Variants in CFAP44 observed in about 807,000 individuals in gnomAD.
CFAP44 encodes the protein cilia and flagella associated protein 44.
Under a neutral mutation model 216.2 loss-of-function variants are expected in CFAP44, and 134 were observed. The ratio of observed to expected loss-of-function variants is 0.62; its 90% CI spans 0.54 to 0.72. CFAP44 has a LOEUF of 0.72. Among genes scored for constraint, CFAP44 ranks in the 30% least tolerant of loss-of-function variants. The pLI, the probability that CFAP44 is intolerant of heterozygous loss-of-function variation, is 0.00. For missense variants in CFAP44, 2,035 were observed against 2,182.1 expected, an observed-to-expected ratio of 0.93 and a Z score of 1.34; for synonymous variants, 700 against 727.6, an observed-to-expected ratio of 0.96 and a Z score of 0.61.
intron 28 of CFAP44, among the ~76,000 whole-genome samples, chr3:113,309,405 T>A (rs1281608697): frequency 6.6e-6 from 1 of 152,190 alleles, no homozygotes; most frequent in African/African-American, 2.4e-5. Flanking sequence ...GTATTCAGAG[T>A]TCAGCCCCAT....
At chr3:113,428,689 T>C (rs917488518) in intron 2 of CFAP44, among the ~76,000 whole-genome samples, 4 of 152,064 alleles carry the variant, frequency 2.6e-5, no homozygotes, top group African/African-American at 9.7e-5. Context: ...AAATCACAAA[T>C]GGATGGCAGG....
intron 1 of CFAP44, among the ~76,000 whole-genome samples, chr3:113,435,995 T>A (rs1231477274): frequency 1.3e-5 from 2 of 151,836 alleles, no homozygotes. Context: ...AATTGTAGAA[T>A]ATATACCTTT....
intron 26 of CFAP44, among the ~76,000 whole-genome samples, chr3:113,329,634 G>C (rs1484772376): frequency 6.6e-6 from 1 of 152,130 alleles, no homozygotes; most frequent in Non-Finnish European, 1.5e-5. Context: ...TGCCCAACAG[G>C]CCCTAGTCTG....
In CFAP44 at chr3:113,358,740, C is replaced by T; in HGVS notation, c.3065+5G>A. 1 of 1,536,344 alleles carries T rather than the reference C, an allele frequency of 6.5e-7. No homozygotes were observed. The highest frequency in any genetic ancestry group is 1.2e-5 in the South Asian group (1 of 84,004). ...ATCTTAGCTTGTAGAGAATATGGATCCTACCGATTCTTTAGCTTCATTAGG... is the reference window on the plus strand; with the variant it reads ...ATCTTAGCTTGTAGAGAATATGGATTCTACCGATTCTTTAGCTTCATTAGG... On this transcript the variant is annotated splice_donor_5th_base_variant and intron_variant, in intron 22 of 34. Coordinates refer to ENST00000393845, the MANE Select transcript of CFAP44 (RefSeq NM_001164496.2).
chr3:113,391,714 T>C (rs955173269), intron 15 of CFAP44, among the ~76,000 whole-genome samples: 3 of 151,418 alleles, frequency 2.0e-5, no homozygotes, highest in African/African-American at 7.3e-5. Context: ...GGGGAAAAAA[T>C]CTACTAATCC....
intron 32 of CFAP44, among the ~76,000 whole-genome samples, chr3:113,298,502 T>G (rs1949903342): frequency 6.6e-6 from 1 of 152,116 alleles, no homozygotes; most frequent in Non-Finnish European, 1.5e-5. Flanking sequence ...CCAAAAGAAA[T>G]GGAAGCAGAG....
chr3:113,325,979 C>T (rs28662393), intron 28 of CFAP44, among the ~76,000 whole-genome samples: 36,830 of 151,948 alleles, frequency 0.24, 4,651 homozygotes, highest in East Asian at 0.41. Flanking sequence ...AATGATACTA[C>T]AGTAAATGAA....
Position 113,395,850 on chromosome 3 carries a change from T to A in CFAP44, c.1790A>T (p.Gln597Leu), listed in dbSNP as rs955025967. The change falls in exon 15 of 35, where the codon CAA (glutamine) becomes CTA (leucine). Residue 597 changes from glutamine (Q) to leucine (L), a missense_variant. By Grantham distance (113) the Gln-to-Leu change is moderately radical (BLOSUM62 -2). This residue lies in a region of CFAP44 where 1,883 missense variants were observed against 2,023.7 expected (regional missense o/e 0.93). Coordinates refer to ENST00000393845, the MANE Select transcript of CFAP44 (RefSeq NM_001164496.2). ...TTCCACTTCAAAGAAGAAAACAGTT[T>A]GATCTTTACTCTAAGGAAAAAGAGA... ...GEILATGSKD[Q>L]TVFFFEVERD... The A allele has an allele frequency of 2.5e-6, 4 of 1,612,720 alleles. No homozygotes were observed. The Admixed American group carries it at 6.7e-5, about 27-fold the overall frequency.
intron 15 of CFAP44, among the ~76,000 whole-genome samples, chr3:113,385,586 A>G (rs1224401730): frequency 6.6e-6 from 1 of 152,056 alleles, no homozygotes; most frequent in Non-Finnish European, 1.5e-5. Context: ...TGCTCTGAAC[A>G]CATCTGTTAG....
At chr3:113,313,698 G>A (rs903070707) in intron 28 of CFAP44, among the ~76,000 whole-genome samples, 1 of 152,144 alleles carries the variant, frequency 6.6e-6, no homozygotes, top group African/African-American at 2.4e-5. Context: ...CAGTGAATAT[G>A]TCTCACAAGA....
rs1042942390 is a variant in CFAP44 at position 113,344,716 on chromosome 3, A to G, written c.3066-4T>C. 6.7e-7 allele frequency: 1 copy of G among 1,492,644 alleles called. No individual in the cohort carries two copies. Among genetic ancestry groups the G allele is most frequent in the Non-Finnish European group, 8.8e-7 (1 of 1,130,212 alleles). The allele number at this position is 1,492,644 out of a possible 1,614,324, so 92.5% of individuals were successfully genotyped here. ...ACTTTCCAGTGGATCTCGAAATCTG[A>G]AAAAATAAAACAAGTATTTGCAGTA... On this transcript the variant is annotated splice_region_variant and splice_polypyrimidine_tract_variant and intron_variant, in intron 22 of 34. Coordinates refer to ENST00000393845, the MANE Select transcript of CFAP44 (RefSeq NM_001164496.2).
At chr3:113,319,227 A>G (rs924876082) in intron 28 of CFAP44, among the ~76,000 whole-genome samples, 4 of 152,218 alleles carry the variant, frequency 2.6e-5, no homozygotes, top group African/African-American at 9.6e-5. Flanking sequence ...CTCAAAGTGA[A>G]AGGATGGAGA....
At chr3:113,347,227 G>A (rs909231534) in intron 22 of CFAP44, among the ~76,000 whole-genome samples, 2 of 152,190 alleles carry the variant, frequency 1.3e-5, no homozygotes, top group South Asian at 2.1e-4. Context: ...CTCTGGAGTT[G>A]GGAGCGTTGG....
At chr3:113,310,553 AATAC>A (rs1430245646) in intron 28 of CFAP44, among the ~76,000 whole-genome samples, 1 of 152,262 alleles carries the variant, frequency 6.6e-6, no homozygotes, top group African/African-American at 2.4e-5. Context: ...AAAGTCTCAT[AATAC>A]AACATGAAAG....
At position 113,303,901 on chromosome 3, in the gene CFAP44, G is replaced by A; in HGVS notation, c.5077+15C>T. 1 of 1,536,944 alleles carries A rather than the reference G, an allele frequency of 6.5e-7. No homozygotes were observed. Among genetic ancestry groups the A allele is most frequent in the Non-Finnish European group, 8.7e-7 (1 of 1,146,702 alleles). ...AATAAACCTTACTAGCAAGGCTGTGGGCTTAGATACTCACTGTGTATGGTT... is the reference window on the plus strand; with the variant it reads ...AATAAACCTTACTAGCAAGGCTGTGAGCTTAGATACTCACTGTGTATGGTT... On this transcript the variant is annotated intron_variant, in intron 32 of 34. Coordinates refer to ENST00000393845, the MANE Select transcript of CFAP44 (RefSeq NM_001164496.2).
chr3:113,409,572 T>C (rs1392242505), intron 6 of CFAP44, among the ~76,000 whole-genome samples: 1 of 152,194 alleles, frequency 6.6e-6, no homozygotes, highest in African/African-American at 2.4e-5. Context: ...TTCCATTTTA[T>C]GACTTGGGGA....
At chr3:113,420,797 A>G (rs1408899455) in intron 4 of CFAP44, among the ~76,000 whole-genome samples, 1 of 152,218 alleles carries the variant, frequency 6.6e-6, no homozygotes, top group Non-Finnish European at 1.5e-5. Flanking sequence ...ACATAAATAT[A>G]ACTAAAATTT....
chr3:113,347,215 G>A (rs922954853), intron 22 of CFAP44, among the ~76,000 whole-genome samples: 12 of 152,170 alleles, frequency 7.9e-5, no homozygotes, highest in Admixed American at 1.3e-4. Context: ...AACAACCCCC[G>A]ACTCTGGAGT....
At chr3:113,345,290 A>G (rs1950370528) in intron 22 of CFAP44, among the ~76,000 whole-genome samples, 1 of 151,874 alleles carries the variant, frequency 6.6e-6, no homozygotes, top group Non-Finnish European at 1.5e-5. Flanking sequence ...GTGGAAAAAT[A>G]ATTTTTAACT....
Sources: allele counts gnomAD v4.1 joint callset (sites outside exome capture counted in the v4.1 genomes callset), GRCh38; gene constraint gnomAD v4.1.1; regional missense constraint gnomAD v4.1.1; transcripts MANE v1.5; gene names NCBI Gene and HGNC (gene_info 2026-07-23, HGNC 2026-07-21).